The following PANK3 variants were observed in gnomAD, a reference collection of about 807,000 sequenced individuals.
PANK3 encodes the protein pantothenate kinase 3.
In PANK3, 20 loss-of-function variants were observed where a neutral mutation model predicts 39.4. The observed-to-expected ratio is 0.51, with a 90% CI of 0.36 to 0.74. The LOEUF is 0.74. Among genes scored for constraint, PANK3 ranks in the 30% least tolerant of loss-of-function variants. The pLI, the probability that PANK3 is intolerant of heterozygous loss-of-function variation, is 0.00. For missense variants in PANK3, 265 were observed against 437.0 expected, an observed-to-expected ratio of 0.61 and a Z score of 3.51; for synonymous variants, 140 against 157.3, an observed-to-expected ratio of 0.89 and a Z score of 0.82.
chr5:168,571,447 G>A (rs1759628950), intron 1 of PANK3, among the ~76,000 whole-genome samples: 1 of 152,080 alleles, frequency 6.6e-6, no homozygotes, highest in Non-Finnish European at 1.5e-5. Context: ...TTACAAACTT[G>A]CCTGAGGTCA....
At chr5:168,573,917 T>C (rs1179830486) in intron 1 of PANK3, among the ~76,000 whole-genome samples, 1 of 152,170 alleles carries the variant, frequency 6.6e-6, no homozygotes, top group Non-Finnish European at 1.5e-5. Context: ...CAGTCTATCA[T>C]TGTTGGACAC....
At position 168,564,621 on chromosome 5, in the gene PANK3, G is replaced by T. The variant is rs115143233; in HGVS notation, c.636-556C>A. Reference sequence around the variant, plus strand: ...TAATATATATGTATATATTTTTGTAGAGATGGGGGTCTCACTATGTTTCCC... The same window carrying T: ...TAATATATATGTATATATTTTTGTATAGATGGGGGTCTCACTATGTTTCCC... On this transcript the variant is annotated intron_variant, in intron 3 of 6. Transcript: ENST00000239231. Among the ~76,000 whole-genome samples, 438 of 152,200 alleles carry T rather than the reference G, an allele frequency of 2.9e-3. 3 individuals carry two copies. The highest frequency in any genetic ancestry group is 9.9e-3 in the African/African-American group (410 of 41,530).
rs979963415 is a variant in PANK3 at position 168,552,810 on chromosome 5, T to G, written c.*4761A>C. ...AAGATAATATTAACCACTCCTGCAC[T>G]AATCTATAGATTGGCTTCTCAACAC... On this transcript the variant is annotated 3_prime_UTR_variant, in exon 7 of 7. Transcript: ENST00000239231. 5.4e-6 allele frequency: 1 copy of G among 184,404 alleles called. No homozygotes were observed. The highest frequency in any genetic ancestry group is 2.4e-5 in the African/African-American group (1 of 41,922). The allele number at this position is 184,404 out of a possible 1,614,324, so 11.4% of individuals were successfully genotyped here.
At position 168,568,950 on chromosome 5, in the gene PANK3, G is replaced by A; in HGVS notation, c.77C>T (p.Ser26Leu). The part of the protein sequence containing the change: ...MDIGGTLVKL[S>L]YFEPIDITAE... The stretch of plus-strand genomic sequence containing the variant: ...TGTGATATCAATAGGTTCAAAGTAC[G>A]AGAGCTTTACTAGAGTTCCCCCAAT... The change falls in exon 2 of 7, where the codon TCG (serine) becomes TTG (leucine). Residue 26 changes from serine (S) to leucine (L), a missense_variant. Ser to Leu is a moderately radical substitution (Grantham distance 145, BLOSUM62 -2). Coordinates refer to ENST00000239231, the MANE Select transcript of PANK3 (RefSeq NM_024594.4). 3.8e-6 allele frequency: 6 copies of A among 1,596,778 alleles called. No individual in the cohort carries two copies. The highest frequency in any genetic ancestry group is 5.1e-6 in the Non-Finnish European group (6 of 1,174,196).
rs557020353 is a variant in PANK3 at position 168,554,450 on chromosome 5, G to T, written c.*3121C>A. The T allele has an allele frequency of 6.6e-6, 1 of 152,246 alleles. No individual in the cohort carries two copies. Among genetic ancestry groups the T allele is most frequent in the South Asian group, 2.1e-4 (1 of 4,830 alleles). 9.4% of individuals were successfully genotyped at this position (152,246 alleles called of 1,614,324 possible). On this transcript the variant is annotated 3_prime_UTR_variant, in exon 7 of 7. Transcript: ENST00000239231. Reference sequence around the variant, plus strand: ...TGTAGTTTTCAAATTTTATACTCAAGTCCTTATATTCGATTACAGGCATGA... The same window carrying T: ...TGTAGTTTTCAAATTTTATACTCAATTCCTTATATTCGATTACAGGCATGA...
At position 168,566,226 on chromosome 5, in the gene PANK3, C is replaced by G. The variant is rs1284268027; in HGVS notation, c.422G>C (p.Cys141Ser). The change falls in exon 3 of 7, where the codon TGC (cysteine) becomes TCC (serine). Residue 141 changes from cysteine (C) to serine (S), a missense_variant. Physicochemically the swap from Cys to Ser is moderately radical, Grantham distance 112. Coordinates refer to ENST00000239231, the MANE Select transcript of PANK3 (RefSeq NM_024594.4). The stretch of plus-strand genomic sequence containing the variant: ...TATATACAGCAAGCCCTTTACAAGG[C>G]AGTCAAGTTCATCCAGTTTGTGCAG... Reference protein sequence around the residue: ...LHLHKLDELDCLVKGLLYIDS... With the variant: ...LHLHKLDELDSLVKGLLYIDS... 1 of 1,610,886 alleles carries G rather than the reference C, an allele frequency of 6.2e-7. No individual in the cohort carries two copies. The highest frequency in any genetic ancestry group is 2.2e-5 in the East Asian group (1 of 44,772).
Position 168,561,471 on chromosome 5 carries a change from T to G in PANK3, c.858A>C (p.Lys286Asn), listed in dbSNP as rs551301219. 4 of 1,601,986 alleles carry G rather than the reference T, an allele frequency of 2.5e-6. No homozygotes were observed. In the South Asian group the frequency reaches 4.5e-5, roughly 18 times the overall value. ...CTAAAGTAGCTCTTGCCAGATCTTCTTTACTAACAGATTCTCGCTTCTCCT... is the reference window on the plus strand; with the variant it reads ...CTAAAGTAGCTCTTGCCAGATCTTCGTTACTAACAGATTCTCGCTTCTCCT... ...IYKEKRESVS[K>N]EDLARATLVT... The change falls in exon 5 of 7, where the codon AAA becomes AAC. Residue 286 changes from lysine to asparagine, a missense_variant. Transcript: ENST00000239231.
rs1271768316 is a variant in PANK3 at position 168,550,912 on chromosome 5, C to T, written c.*6659G>A. On this transcript the variant is annotated 3_prime_UTR_variant, in exon 7 of 7. Transcript: ENST00000239231. ...CTTCTAATACAATACCAAATATGACCTCACATTCACTGAATATGCAGGAAT... is the reference window on the plus strand; with the variant it reads ...CTTCTAATACAATACCAAATATGACTTCACATTCACTGAATATGCAGGAAT... 1 of 152,086 alleles carries T rather than the reference C, an allele frequency of 6.6e-6. No individual in the cohort carries two copies. Among genetic ancestry groups the T allele is most frequent in the Non-Finnish European group, 1.5e-5 (1 of 67,998 alleles). 9.4% of individuals were successfully genotyped at this position (152,086 alleles called of 1,614,324 possible).
At position 168,566,280 on chromosome 5, in the gene PANK3, C is replaced by CAA; in HGVS notation, c.382-16_382-15dup. On this transcript the variant is annotated splice_polypyrimidine_tract_variant and intron_variant, in intron 2 of 6. Coordinates refer to ENST00000239231, the MANE Select transcript of PANK3 (RefSeq NM_024594.4). ...GAGGTTTCCAATCTGTTAAAACAAA[C>CAA]AAACAAAAACAAAAAAGGATGACAT... The CAA allele has an allele frequency of 6.5e-7, 1 of 1,549,034 alleles. No individual in the cohort carries two copies. The highest frequency in any genetic ancestry group is 2.3e-5 in the East Asian group (1 of 43,780).
rs1388832465 is a variant in PANK3 at position 168,554,435 on chromosome 5, A to G, written c.*3136T>C. 6.6e-6 allele frequency: 1 copy of G among 152,214 alleles called. No homozygotes were observed. Among genetic ancestry groups the G allele is most frequent in the Non-Finnish European group, 1.5e-5 (1 of 68,020 alleles). The allele number at this position is 152,214 out of a possible 1,614,324, so 9.4% of individuals were successfully genotyped here. ...AAAGACATTTCCCCATGTAGTTTTC[A>G]AATTTTATACTCAAGTCCTTATATT... On this transcript the variant is annotated 3_prime_UTR_variant, in exon 7 of 7. Transcript: ENST00000239231.
chr5:168,566,591 C>CT (rs1235700270), intron 2 of PANK3, among the ~76,000 whole-genome samples: 1 of 152,120 alleles, frequency 6.6e-6, no homozygotes, highest in African/African-American at 2.4e-5. Context: ...TATGCATTAT[C>CT]TTTGAGTGTT....
At chr5:168,569,283 C>G in intron 1 of PANK3, among the ~76,000 whole-genome samples, 1 of 144,316 alleles carries the variant, frequency 6.9e-6, no homozygotes, top group East Asian at 2.0e-4. Flanking sequence ...CTCCCGGGTT[C>G]ACGCCATTCT....
At position 168,554,135 on chromosome 5, in the gene PANK3, T is replaced by A. The variant is rs550567352; in HGVS notation, c.*3436A>T. ...ATTCTCTCTTTTGTATTTTTGATAG[T>A]GATTACAAAGTTTTTCAGATTTTTA... On this transcript the variant is annotated 3_prime_UTR_variant, in exon 7 of 7. Transcript: ENST00000239231. 2.4e-4 allele frequency: 37 copies of A among 152,316 alleles called. No individual in the cohort carries two copies. The highest frequency in any genetic ancestry group is 8.7e-4 in the African/African-American group (36 of 41,588). 9.4% of individuals were successfully genotyped at this position (152,316 alleles called of 1,614,324 possible). A position where few individuals can be genotyped will look rare whatever the true frequency, so the allele number is the denominator to read the frequency against.
At chr5:168,558,847 C>T (rs1215067294) in intron 6 of PANK3, among the ~76,000 whole-genome samples, 185 bp downstream of exon 6, 2 of 152,090 alleles carry the variant, frequency 1.3e-5, no homozygotes, top group East Asian at 3.9e-4. Flanking sequence ...TTTCTGGGCA[C>T]AGTGGTGCAT....
chr5:168,560,619 C>G (rs1437068011), intron 5 of PANK3, among the ~76,000 whole-genome samples: 1 of 152,140 alleles, frequency 6.6e-6, no homozygotes, highest in African/African-American at 2.4e-5. Flanking sequence ...TGTCTGGCAT[C>G]TGGTAATCAG....
At chr5:168,561,239 C>T (rs1298723717) in intron 5 of PANK3, among the ~76,000 whole-genome samples, 154 bp downstream of exon 5, 6 of 152,104 alleles carry the variant, frequency 3.9e-5, no homozygotes, top group Admixed American at 2.0e-4. Context: ...CAACTGGATA[C>T]GTAACATATA....
At chr5:168,568,553 G>A in intron 2 of PANK3, 93 bp downstream of exon 2, 1 of 969,172 alleles carries the variant, frequency 1.0e-6, no homozygotes, top group Non-Finnish European at 1.5e-6. Context: ...CCCACTGCAT[G>A]TGCAGGGAGA....
In PANK3 at chr5:168,555,188, T is replaced by C. The variant is rs1223825204; in HGVS notation, c.*2383A>G. 1 of 152,214 alleles carries C rather than the reference T, an allele frequency of 6.6e-6. No homozygotes were observed. Among genetic ancestry groups the C allele is most frequent in the African/African-American group, 2.4e-5 (1 of 41,452 alleles). The allele number at this position is 152,214 out of a possible 1,614,324, so 9.4% of individuals were successfully genotyped here. ...CGGTGCTGTCTTAATAGAAATAAAA[T>C]GTAAACCATGTGTGATTTTATCTTT... On this transcript the variant is annotated 3_prime_UTR_variant, in exon 7 of 7. Coordinates refer to ENST00000239231, the MANE Select transcript of PANK3 (RefSeq NM_024594.4).
chr5:168,562,258 A>C (rs1759459660), intron 4 of PANK3, among the ~76,000 whole-genome samples: 1 of 152,154 alleles, frequency 6.6e-6, no homozygotes, highest in South Asian at 2.1e-4. Context: ...ACAAACAAAA[A>C]AATATCTTTT....
Sources: gnomAD v4.1 joint callset for allele counts (sites outside exome capture counted in the v4.1 genomes callset) on GRCh38, gnomAD v4.1.1 for gene constraint, MANE v1.5 for transcripts, NCBI Gene and HGNC (gene_info 2026-07-23, HGNC 2026-07-21) for gene names.